The following TMEM132C variants were observed in gnomAD, a reference collection of about 807,000 sequenced individuals.
TMEM132C encodes the protein transmembrane protein 132C, also known as protein phosphatase 1, regulatory subunit 152.
In TMEM132C, 29 loss-of-function variants were observed where a neutral mutation model predicts 61.4. That is an observed-to-expected ratio of 0.47 (90% CI 0.35 to 0.64). The LOEUF (loss-of-function observed/expected upper bound fraction) is 0.64, where lower values mean the gene tolerates loss of function less well. Ranked by LOEUF, TMEM132C falls within the 30% of genes least tolerant of loss-of-function variation. TMEM132C has a pLI of 0.00. For missense variants in TMEM132C, 1,408 were observed against 1,476.9 expected (o/e 0.95, Z 0.76); for synonymous variants, 656 against 633.1 (o/e 1.04, Z -0.54).
chr12:128,572,230 G>A (rs113679865), intron 3 of TMEM132C, among the ~76,000 whole-genome samples: 7 of 150,876 alleles, frequency 4.6e-5, no homozygotes, highest in Non-Finnish European at 1.0e-4. Flanking sequence ...GGCCAGGCCT[G>A]GGTCACAGGC....
rs370933305 is a variant in TMEM132C at position 128,638,381 on chromosome 12, G to A, written c.1305+22046G>A. 6.6e-5 allele frequency among the ~76,000 whole-genome samples: 10 copies of A among 152,306 alleles called. No individual in the cohort carries two copies. The East Asian group carries it at 1.3e-3, about 21-fold the overall frequency. ...GCAAGAATTTCCAGAAATTAGAGCT[G>A]CCCTGGTTTGGTAAATCTGTAAGAT... On this transcript the variant is annotated intron_variant, in intron 4 of 8. Transcript: ENST00000435159.
chr12:128,604,156 T>C (rs1876307609), intron 3 of TMEM132C, among the ~76,000 whole-genome samples: 1 of 152,174 alleles, frequency 6.6e-6, no homozygotes, highest in Non-Finnish European at 1.5e-5. Flanking sequence ...GATGAGTCCA[T>C]AGATATAGAT....
At chr12:128,573,810 C>T (rs965040780) in intron 3 of TMEM132C, among the ~76,000 whole-genome samples, 20 of 151,080 alleles carry the variant, frequency 1.3e-4, no homozygotes, top group Non-Finnish European at 2.1e-4. Flanking sequence ...AATGGACTTA[C>T]TGCCACTGAA....
At chr12:128,573,423 C>T (rs1172178169) in intron 3 of TMEM132C, among the ~76,000 whole-genome samples, 2 of 149,636 alleles carry the variant, frequency 1.3e-5, no homozygotes, top group African/African-American at 2.5e-5. Context: ...GGACATAGGA[C>T]GGGGAACATC....
chr12:128,445,022 A>G (rs1869929301), intron 2 of TMEM132C, among the ~76,000 whole-genome samples: 1 of 152,242 alleles, frequency 6.6e-6, no homozygotes, highest in African/African-American at 2.4e-5. Context: ...GAAGCCACTA[A>G]GAGCATTACT....
chr12:128,615,379 A>G (rs1214470872), intron 3 of TMEM132C, among the ~76,000 whole-genome samples: 13 of 152,206 alleles, frequency 8.5e-5, no homozygotes, highest in Non-Finnish European at 1.8e-4. Context: ...TGTAATGATA[A>G]TGAATAATGA....
chr12:128,594,209 T>C (rs1317483971), intron 3 of TMEM132C, among the ~76,000 whole-genome samples: 2 of 152,000 alleles, frequency 1.3e-5, no homozygotes, highest in Admixed American at 6.5e-5. Flanking sequence ...CTGGGCAGTG[T>C]CCCCACCCCA....
At position 128,705,207 on chromosome 12, in the gene TMEM132C, G is replaced by A. The variant is rs1329649094; in HGVS notation, c.2239G>A (p.Val747Ile). 1 of 1,551,724 alleles carries A rather than the reference G, an allele frequency of 6.4e-7. No homozygotes were observed. The highest frequency in any genetic ancestry group is 1.2e-5 in the South Asian group (1 of 84,060). Residue 747 changes from valine to isoleucine, a missense_variant, in exon 9 of 9, where the codon GTC (valine) becomes ATC (isoleucine). Val to Ile is a conservative substitution (Grantham distance 29). Coordinates refer to ENST00000435159, the MANE Select transcript of TMEM132C (RefSeq NM_001136103.3). ...CTCCCAGGACGAGGCTGTCGTGTCA[G>A]TCCCCCAGCCCCGCTCTCCCAGGTG... ...ATSQDEAVVS[V>I]PQPRSPRWPV...
At chr12:128,487,014 C>G (rs75854751) in intron 2 of TMEM132C, among the ~76,000 whole-genome samples, 4,371 of 152,218 alleles carry the variant, frequency 0.029, 72 homozygotes, top group Non-Finnish European at 0.032. Flanking sequence ...AATTGCTACT[C>G]TGTTCTAGAA....
intron 3 of TMEM132C, among the ~76,000 whole-genome samples, chr12:128,582,322 C>A (rs2135560169): frequency 6.6e-6 from 1 of 151,730 alleles, no homozygotes; most frequent in African/African-American, 2.4e-5. Flanking sequence ...AGTGTCAATT[C>A]AAGCATTTCA....
intron 4 of TMEM132C, among the ~76,000 whole-genome samples, chr12:128,668,621 C>T (rs556416542): frequency 1.4e-4 from 21 of 152,246 alleles, no homozygotes; most frequent in Admixed American, 2.6e-4. Context: ...CCTGATGCTG[C>T]GATGACAAAT....
intron 4 of TMEM132C, among the ~76,000 whole-genome samples, chr12:128,641,743 A>G (rs1406090337): frequency 1.3e-5 from 2 of 152,240 alleles, no homozygotes; most frequent in African/African-American, 4.8e-5. Context: ...CATGCGTTAT[A>G]GCAGCCACGG....
intron 1 of TMEM132C, among the ~76,000 whole-genome samples, chr12:128,375,220 G>A (rs985179391): frequency 6.6e-6 from 1 of 152,090 alleles, no homozygotes; most frequent in Non-Finnish European, 1.5e-5. Flanking sequence ...AAGCACTGGG[G>A]ACAGTGTGAC....
chr12:128,481,560 G>T (rs930801971), intron 2 of TMEM132C, among the ~76,000 whole-genome samples: 27 of 152,362 alleles, frequency 1.8e-4, no homozygotes, highest in African/African-American at 6.5e-4. Context: ...GGATGAGAGA[G>T]CTGAGGCCTA....
intron 1 of TMEM132C, among the ~76,000 whole-genome samples, chr12:128,336,744 G>A (rs1872800346): frequency 6.6e-6 from 1 of 152,100 alleles, no homozygotes; most frequent in Admixed American, 6.5e-5. Flanking sequence ...AGTTTTTAAT[G>A]CAAAAGTCCC....
intron 1 of TMEM132C, chr12:128,400,097 A>G (rs1451383099): frequency 2.0e-5 from 3 of 152,240 alleles, no homozygotes; most frequent in Non-Finnish European, 4.4e-5. Context: ...GTGTCCTCTT[A>G]GAAGCTTTTG....
intron 3 of TMEM132C, among the ~76,000 whole-genome samples, 195 bp downstream of exon 3, chr12:128,544,298 G>A (rs192845230): frequency 2.3e-4 from 35 of 152,370 alleles, no homozygotes; most frequent in Middle Eastern, 3.4e-3. Flanking sequence ...TGGGGCGCTC[G>A]CTCTGCAGCG....
At chr12:128,354,926 A>G (rs1000345699) in intron 1 of TMEM132C, among the ~76,000 whole-genome samples, 4 of 152,232 alleles carry the variant, frequency 2.6e-5, no homozygotes, top group Admixed American at 6.5e-5. Flanking sequence ...CGGATCACCC[A>G]GGTCAGGGGA....
chr12:128,659,616 A>G (rs1010232224), intron 4 of TMEM132C, among the ~76,000 whole-genome samples: 1 of 152,124 alleles, frequency 6.6e-6, no homozygotes, highest in Non-Finnish European at 1.5e-5. Flanking sequence ...AGGGAAGAAA[A>G]TCCATGGATT....
Sources: allele counts gnomAD v4.1 joint callset (sites outside exome capture counted in the v4.1 genomes callset), GRCh38; gene constraint gnomAD v4.1.1; transcripts MANE v1.5; gene names NCBI Gene and HGNC (gene_info 2026-07-23, HGNC 2026-07-21).